The following DEPDC1B variants were observed in gnomAD, a reference collection of about 807,000 sequenced individuals.
DEPDC1B encodes DEP domain containing 1B, also known as DEP domain-containing protein 1B.
A neutral mutation model predicts 66.5 loss-of-function variants in DEPDC1B; 51 were observed. The observed-to-expected ratio is 0.77, with a 90% CI of 0.61 to 0.97. The LOEUF (loss-of-function observed/expected upper bound fraction) is 0.97. DEPDC1B is among the 50% of genes least tolerant of loss of function. The pLI, the probability that DEPDC1B is intolerant of heterozygous loss-of-function variation, is 0.00. For missense variants in DEPDC1B, 552 were observed against 637.1 expected (o/e 0.87, Z 1.44); for synonymous variants, 226 against 223.6 (o/e 1.01, Z -0.10).
At chr5:60,675,498 T>G (rs1484040150) in intron 2 of DEPDC1B, among the ~76,000 whole-genome samples, 1 of 152,216 alleles carries the variant, frequency 6.6e-6, no homozygotes, top group African/African-American at 2.4e-5. Flanking sequence ...AACTGTTCAT[T>G]GGCTTGAAAA....
Position 60,687,149 on chromosome 5 carries a change from A to G in DEPDC1B, c.127T>C (p.Cys43Arg), listed in dbSNP as rs1436328660. ...HRCRFKSYEHCFTAAEAVDWL... is the reference protein window; with the variant it reads ...HRCRFKSYEHRFTAAEAVDWL... ...TCCACAGCTTCGGCCGCTGTGAAAC[A>G]ATGCTCATAGCTCTTGAAACGACAG... The change falls in exon 2 of 11, where the codon TGT (cysteine) becomes CGT (arginine). Residue 43 changes from cysteine (C) to arginine (R), a missense_variant. Cys to Arg is a radical substitution (Grantham distance 180, BLOSUM62 -3). Coordinates refer to ENST00000265036, the MANE Select transcript of DEPDC1B (RefSeq NM_018369.3). 2 of 1,614,028 alleles carry G rather than the reference A, an allele frequency of 1.2e-6. No individual in the cohort carries two copies. The highest frequency in any genetic ancestry group is 1.3e-5 in the African/African-American group (1 of 74,912).
At chr5:60,636,118 C>T (rs866839311) in intron 7 of DEPDC1B, among the ~76,000 whole-genome samples, 2 of 152,188 alleles carry the variant, frequency 1.3e-5, no homozygotes, top group Non-Finnish European at 2.9e-5. Context: ...TACTCTATCT[C>T]AATCACCACA....
intron 7 of DEPDC1B, among the ~76,000 whole-genome samples, chr5:60,614,628 A>G (rs940785980): frequency 2.0e-5 from 3 of 152,124 alleles, no homozygotes; most frequent in Non-Finnish European, 4.4e-5. Flanking sequence ...ATAATGTTGT[A>G]TTTCCCTTTC....
At chr5:60,690,546 C>T (rs1054868351) in intron 1 of DEPDC1B, among the ~76,000 whole-genome samples, 5 of 152,180 alleles carry the variant, frequency 3.3e-5, no homozygotes, top group East Asian at 3.8e-4. Context: ...TTTTTAGGAA[C>T]GTAGGCTCCC....
At chr5:60,655,383 A>G (rs1250791112) in intron 2 of DEPDC1B, among the ~76,000 whole-genome samples, 1 of 148,964 alleles carries the variant, frequency 6.7e-6, no homozygotes, top group Non-Finnish European at 1.5e-5. Context: ...AAATTTATAC[A>G]TCTCCTCTAG....
intron 7 of DEPDC1B, among the ~76,000 whole-genome samples, chr5:60,615,160 G>C (rs893438773): frequency 4.6e-5 from 7 of 152,044 alleles, no homozygotes; most frequent in South Asian, 4.1e-4. Flanking sequence ...TCAAAAGTAG[G>C]GGGGATGGAA....
At chr5:60,622,374 A>G (rs1409492321) in intron 7 of DEPDC1B, among the ~76,000 whole-genome samples, 3 of 152,184 alleles carry the variant, frequency 2.0e-5, no homozygotes, top group South Asian at 2.1e-4. Context: ...ATATTGTTGT[A>G]TGTACCCATA....
chr5:60,615,597 G>A (rs572876141), intron 7 of DEPDC1B, among the ~76,000 whole-genome samples: 9 of 152,338 alleles, frequency 5.9e-5, no homozygotes, highest in South Asian at 4.1e-4. Flanking sequence ...CCAGGCTGGG[G>A]GAGGGGCGCC....
chr5:60,650,714 G>A (rs1349347033), intron 2 of DEPDC1B, among the ~76,000 whole-genome samples: 1 of 152,118 alleles, frequency 6.6e-6, no homozygotes, highest in Non-Finnish European at 1.5e-5. Flanking sequence ...TATCCATTTG[G>A]GAAAAATGAA....
intron 9 of DEPDC1B, among the ~76,000 whole-genome samples, 197 bp from the exon 10 acceptor site, chr5:60,599,457 G>A (rs1024355901): frequency 6.6e-6 from 1 of 152,070 alleles, no homozygotes; most frequent in Non-Finnish European, 1.5e-5. Context: ...TTAAAGCCAC[G>A]GTTTTAAATT....
chr5:60,687,177 A>C lies in DEPDC1B; in HGVS notation c.99T>G (p.His33Gln). 3 of 1,613,986 alleles carry C rather than the reference A, an allele frequency of 1.9e-6. No individual in the cohort carries two copies. Among genetic ancestry groups the C allele is most frequent in the Non-Finnish European group, 2.5e-6 (3 of 1,179,844 alleles). The change falls in exon 2 of 11, where the codon CAT (histidine) becomes CAG (glutamine). Residue 33 changes from histidine (H) to glutamine (Q), a missense_variant. His to Gln is a conservative substitution (Grantham distance 24, BLOSUM62 0). Coordinates refer to ENST00000265036, the MANE Select transcript of DEPDC1B (RefSeq NM_018369.3). Reference protein sequence around the residue: ...LFRAKMPLRKHRCRFKSYEHC... With the variant: ...LFRAKMPLRKQRCRFKSYEHC... ...GCTCATAGCTCTTGAAACGACAGCGATGTTTCCGTAACGGCATCTTAGCAC... is the reference window on the plus strand; with the variant it reads ...GCTCATAGCTCTTGAAACGACAGCGCTGTTTCCGTAACGGCATCTTAGCAC...
chr5:60,602,226 A>C (rs1752215744), intron 9 of DEPDC1B, among the ~76,000 whole-genome samples: 1 of 132,052 alleles, frequency 7.6e-6, no homozygotes, highest in African/African-American at 3.4e-5. Context: ...GTAGGCATGG[A>C]CATAGACAGC....
chr5:60,642,451 G>T (rs980552131), intron 6 of DEPDC1B, among the ~76,000 whole-genome samples: 23 of 152,098 alleles, frequency 1.5e-4, no homozygotes, highest in African/African-American at 5.6e-4. Context: ...TCCTCACAGG[G>T]ACCACCCTGG....
At chr5:60,685,466 A>G (rs1754392413) in intron 2 of DEPDC1B, among the ~76,000 whole-genome samples, 1 of 152,192 alleles carries the variant, frequency 6.6e-6, no homozygotes, top group Non-Finnish European at 1.5e-5. Flanking sequence ...GGAAAAAATA[A>G]TTATTTAATG....
chr5:60,606,090 C>G (rs1487976714), intron 7 of DEPDC1B, among the ~76,000 whole-genome samples: 2 of 152,090 alleles, frequency 1.3e-5, no homozygotes, highest in Non-Finnish European at 2.9e-5. Flanking sequence ...ATTTTCTCCT[C>G]CCATACACTA....
At position 60,597,908 on chromosome 5, in the gene DEPDC1B, T is replaced by A; in HGVS notation, c.1435A>T (p.Lys479Ter). Residue 479 changes from lysine (K) to a stop codon, truncating the protein, a stop_gained, in exon 11 of 11, where the codon AAA becomes TAA. Transcript: ENST00000265036. LOFTEE classifies it high-confidence loss of function. ...TCTTGATAGACTTCAGGATAGGATT[T>A]CTGAAACTAAAAAAATGAATGGTCC... is the stretch of plus-strand genomic sequence containing the variant. ...EKKKKLKQFQKSYPEVYQERF... is the reference protein window; with the variant it reads ...EKKKKLKQFQ 1.3e-6 allele frequency: 2 copies of A among 1,591,974 alleles called. No homozygotes were observed. The highest frequency in any genetic ancestry group is 1.7e-6 in the Non-Finnish European group (2 of 1,174,802).
At chr5:60,657,698 T>TTTTTGTGAG (rs1397024955) in intron 2 of DEPDC1B, among the ~76,000 whole-genome samples, 1 of 152,232 alleles carries the variant, frequency 6.6e-6, no homozygotes, top group Non-Finnish European at 1.5e-5. Flanking sequence ...GGTTACCTGG[T>TTTTTGTGAG]GCTTTTGCCT....
Position 60,695,930 on chromosome 5 carries a change from C to T in DEPDC1B, c.48+4116G>A, listed in dbSNP as rs573600651. Among the ~76,000 whole-genome samples, 7 of 152,268 alleles carry T rather than the reference C, an allele frequency of 4.6e-5. No homozygotes were observed. The South Asian group carries it at 1.2e-3, about 27-fold the overall frequency. ...TCTCCTGCCTCAGCCTCCCAAGTAG[C>T]TGGGATTACAGGCATGTGCCACCAC... is the stretch of plus-strand genomic sequence containing the variant. On this transcript the variant is annotated intron_variant, in intron 1 of 10. Coordinates refer to ENST00000265036, the MANE Select transcript of DEPDC1B (RefSeq NM_018369.3).
At chr5:60,619,163 C>G (rs1474508029) in intron 7 of DEPDC1B, among the ~76,000 whole-genome samples, 2 of 152,138 alleles carry the variant, frequency 1.3e-5, no homozygotes, top group Non-Finnish European at 2.9e-5. Context: ...CTATTTATGA[C>G]AAACCCACAG....
Sources: gnomAD v4.1 joint callset for allele counts (sites outside exome capture counted in the v4.1 genomes callset) on GRCh38, gnomAD v4.1.1 for gene constraint, MANE v1.5 for transcripts, NCBI Gene and HGNC (gene_info 2026-07-23, HGNC 2026-07-21) for gene names.